TYW1B: variants seen among roughly 807,000 people sequenced by gnomAD.
The protein encoded by TYW1B is tRNA-yW synthesizing protein 1 homolog B, also known as S-adenosyl-L-methionine-dependent tRNA 4-demethylwyosine synthase TYW1B.
TYW1B carries 73 observed loss-of-function variants against 86.9 expected under a neutral mutation model. The ratio of observed to expected loss-of-function variants is 0.84; its 90% CI spans 0.70 to 1.02. The LOEUF (loss-of-function observed/expected upper bound fraction) is 1.02. TYW1B is among the 50% of genes least tolerant of loss of function. The pLI is 0.00. For missense variants in TYW1B, 637 were observed against 827.4 expected (o/e 0.77, Z 2.82); for synonymous variants, 248 against 292.8 (o/e 0.85, Z 1.56).
At position 72,740,104 on chromosome 7, in the gene TYW1B, G is replaced by A. The variant is rs1167839182; in HGVS notation, c.1082+4380C>T. 2.0e-3 allele frequency among the ~76,000 whole-genome samples: 300 copies of A among 150,730 alleles called. 1 individual carries two copies. The highest frequency in any genetic ancestry group is 4.3e-4 in the Non-Finnish European group (29 of 67,548). On this transcript the variant is annotated intron_variant, in intron 8 of 13. Transcript: ENST00000620995. ...AAAAATTAGCCGGGTGTGGTGGCGG[G>A]CGCCTGCAATCCCAGCTACTCAGGA...
chr7:72,708,102 CAGTT>C (rs1299605435), intron 10 of TYW1B, among the ~76,000 whole-genome samples: 6 of 152,120 alleles, frequency 3.9e-5, no homozygotes, highest in African/African-American at 1.2e-4. Flanking sequence ...TACCCAGTCT[CAGTT>C]AGTTCCTTAT....
intron 2 of TYW1B, among the ~76,000 whole-genome samples, chr7:72,817,125 C>T (rs1324255071): frequency 6.6e-6 from 1 of 152,046 alleles, no homozygotes; most frequent in African/African-American, 2.4e-5. Context: ...ACAGGTTGGC[C>T]GGGCGTGGTG....
At chr7:72,824,842 G>A (rs1442863356) in intron 2 of TYW1B, among the ~76,000 whole-genome samples, 3 of 151,998 alleles carry the variant, frequency 2.0e-5, no homozygotes, top group Non-Finnish European at 2.9e-5. Flanking sequence ...GGTGGCTCAC[G>A]ACTGTAATCC....
chr7:72,590,371 A>G (rs1262209558), intron 13 of TYW1B, among the ~76,000 whole-genome samples: 1 of 152,214 alleles, frequency 6.6e-6, no homozygotes, highest in Non-Finnish European at 1.5e-5. Context: ...TGTTCTTGTC[A>G]TGGAAGGGCG....
At chr7:72,698,349 A>C (rs1206725286) in intron 10 of TYW1B, among the ~76,000 whole-genome samples, 1 of 152,170 alleles carries the variant, frequency 6.6e-6, no homozygotes, top group East Asian at 1.9e-4. Flanking sequence ...AGGATCTATA[A>C]AGAATAAGCA....
chr7:72,687,647 T>C (rs1276055954), intron 11 of TYW1B, among the ~76,000 whole-genome samples: 1 of 152,140 alleles, frequency 6.6e-6, no homozygotes, highest in African/African-American at 2.4e-5. Flanking sequence ...GTTTCATTTA[T>C]ATAAAGTTCA....
intron 7 of TYW1B, among the ~76,000 whole-genome samples, chr7:72,747,206 T>C (rs1337776964): frequency 2.0e-5 from 3 of 152,172 alleles, no homozygotes; most frequent in African/African-American, 4.8e-5. Flanking sequence ...GAATCACAGG[T>C]GCCGGTCTTT....
intron 11 of TYW1B, among the ~76,000 whole-genome samples, chr7:72,632,452 TATATATATAC>T (rs1812555820): frequency 2.1e-5 from 2 of 95,078 alleles, no homozygotes; most frequent in African/African-American, 5.6e-5. Flanking sequence ...ATATATAAAA[TATATATATAC>T]ATATATATAT....
chr7:72,619,298 AG>A (rs1812157126), intron 12 of TYW1B, among the ~76,000 whole-genome samples: 1 of 152,194 alleles, frequency 6.6e-6, no homozygotes, highest in Admixed American at 6.5e-5. Flanking sequence ...CCTTTTGCTC[AG>A]TAACAGAGCT....
intron 13 of TYW1B, among the ~76,000 whole-genome samples, chr7:72,585,364 T>C (rs2960951): frequency 2.0e-5 from 3 of 152,322 alleles, no homozygotes; most frequent in South Asian, 2.1e-4. Context: ...AAAAAGAGTA[T>C]CCCACAAGCT....
At chr7:72,605,853 T>C (rs1554434753) in intron 13 of TYW1B, among the ~76,000 whole-genome samples, 1 of 152,182 alleles carries the variant, frequency 6.6e-6, no homozygotes, top group East Asian at 1.9e-4. Flanking sequence ...TGAGTTCACC[T>C]GGAAATAATC....
intron 7 of TYW1B, among the ~76,000 whole-genome samples, chr7:72,751,229 G>C (rs1413586061): frequency 6.6e-6 from 1 of 151,988 alleles, no homozygotes; most frequent in African/African-American, 2.4e-5. Context: ...GTGGAGATGG[G>C]GTTTCACCAT....
chr7:72,698,638 T>A (rs1490278260), intron 10 of TYW1B, among the ~76,000 whole-genome samples: 1 of 90,398 alleles, frequency 1.1e-5, no homozygotes. Flanking sequence ...AGAGCAAGAC[T>A]CCATCTCAAA....
chr7:72,672,964 T>C lies in TYW1B; in HGVS notation c.1506+21723A>G, dbSNP rs1563054416. Among the ~76,000 whole-genome samples, 4 of 152,016 alleles carry C rather than the reference T, an allele frequency of 2.6e-5. 1 individual carries two copies. The Middle Eastern group carries it at 0.01, about 388-fold the overall frequency. On this transcript the variant is annotated intron_variant, in intron 11 of 13. Transcript: ENST00000620995. ...CGGGTGGATCACTTGAGGTCAGGAGTTGGAGACCAGCCTGGTCAACATAGT... is the reference window on the plus strand; with the variant it reads ...CGGGTGGATCACTTGAGGTCAGGAGCTGGAGACCAGCCTGGTCAACATAGT...
intron 8 of TYW1B, among the ~76,000 whole-genome samples, chr7:72,742,852 T>C (rs139376813): frequency 2.0e-5 from 3 of 152,088 alleles, no homozygotes; most frequent in East Asian, 3.8e-4. Flanking sequence ...AATTAAGAGA[T>C]GACATTGACT....
At chr7:72,703,332 T>C (rs2129570494) in intron 10 of TYW1B, among the ~76,000 whole-genome samples, 2 of 151,918 alleles carry the variant, frequency 1.3e-5, no homozygotes, top group East Asian at 3.9e-4. Flanking sequence ...CTTATCAGTA[T>C]ATTTTCTATT....
At chr7:72,727,333 C>T (rs367740269) in intron 9 of TYW1B, among the ~76,000 whole-genome samples, 116 of 151,978 alleles carry the variant, frequency 7.6e-4, no homozygotes, top group African/African-American at 2.6e-3. Flanking sequence ...TTGCATATGA[C>T]GGAAAAGAAG....
At chr7:72,725,872 C>G (rs1170438425) in intron 9 of TYW1B, among the ~76,000 whole-genome samples, 2 of 152,098 alleles carry the variant, frequency 1.3e-5, no homozygotes, top group African/African-American at 4.8e-5. Flanking sequence ...CTCTGTCTCT[C>G]TCTCTCCCCT....
intron 11 of TYW1B, among the ~76,000 whole-genome samples, chr7:72,659,147 C>T (rs1188798927): frequency 6.6e-6 from 1 of 152,182 alleles, no homozygotes; most frequent in Non-Finnish European, 1.5e-5. Context: ...GTGACAAGAA[C>T]AGAAAAATGA....
Sources: allele counts gnomAD v4.1 joint callset (sites outside exome capture counted in the v4.1 genomes callset), GRCh38; gene constraint gnomAD v4.1.1; transcripts MANE v1.5; gene names NCBI Gene and HGNC (gene_info 2026-07-23, HGNC 2026-07-21).